The following CHRNA3 variants were observed in gnomAD, a reference collection of about 807,000 sequenced individuals.
The protein encoded by CHRNA3 is neuronal acetylcholine receptor subunit alpha-3.
Under a neutral mutation model 41.9 loss-of-function variants are expected in CHRNA3, and 34 were observed. The ratio of observed to expected loss-of-function variants is 0.81; its 90% CI spans 0.62 to 1.08. The LOEUF is 1.08. Ranked by LOEUF, CHRNA3 falls within the 50% of genes least tolerant of loss-of-function variation. CHRNA3 has a pLI of 0.00. For synonymous variants in CHRNA3, 281 were observed against 265.2 expected, an observed-to-expected ratio of 1.06 and a Z score of -0.58; for missense variants, 542 against 638.3, an observed-to-expected ratio of 0.85 and a Z score of 1.63.
rs765428894 is a variant in CHRNA3, at chr15:78,618,847, G to A, written c.151C>T (p.Arg51Trp). 2.6e-5 allele frequency: 42 copies of A among 1,614,008 alleles called. No homozygotes were observed. Among genetic ancestry groups the A allele is most frequent in the Admixed American group, 8.3e-5 (5 of 60,010 alleles). The stretch of plus-strand genomic sequence containing the variant: ...GGGTCAGACACGTTGGCTACAGGCC[G>A]GATGATCTCATTGTAATCTTCAAAC... ...RLFEDYNEII[R>W]PVANVSDPVI... The change falls in exon 2 of 6, where the codon CGG becomes TGG. Residue 51 changes from arginine to tryptophan, a missense_variant. Transcript: ENST00000326828.
chr15:78,595,429 T>C lies in CHRNA3; in HGVS notation c.*1175A>G. ...TAAGTTTCAGAAGTGTAGTACATGATACTCTTAACAATTTGTCTAAAGCAA... is the reference window on the plus strand; with the variant it reads ...TAAGTTTCAGAAGTGTAGTACATGACACTCTTAACAATTTGTCTAAAGCAA... On this transcript the variant is annotated 3_prime_UTR_variant, in exon 6 of 6. Transcript: ENST00000326828. 5 of 985,080 alleles carry C rather than the reference T, an allele frequency of 5.1e-6. No homozygotes were observed. Among genetic ancestry groups the C allele is most frequent in the Non-Finnish European group, 6.0e-6 (5 of 829,616 alleles). The allele number at this position is 985,080 out of a possible 1,614,324, so 61.0% of individuals were successfully genotyped here. A position where few individuals can be genotyped will look rare whatever the true frequency, so the allele number is the denominator to read the frequency against.
chr15:78,620,383 G>GACGGGCAGCGCGGGGCAGGGCT, intron 1 of CHRNA3: 3 of 347,716 alleles, frequency 8.6e-6, no homozygotes, highest in Non-Finnish European at 1.5e-5. Context: ...GGGGCAGGGC[G>GACGGGCAGCGCGGGGCAGGGCT]ACGGGCAGCG....
intron 4 of CHRNA3, among the ~76,000 whole-genome samples, chr15:78,610,332 A>T (rs1313192147): frequency 1.3e-5 from 2 of 152,092 alleles, no homozygotes; most frequent in Admixed American, 6.6e-5. Context: ...GAAGTAAAGC[A>T]CTCCTCAGCA....
chr15:78,620,746 G>A lies in CHRNA3; in HGVS notation c.49C>T (p.Leu17=). The change falls in exon 1 of 6, where the codon CTG becomes TTG. Residue 17 remains leucine (L), a synonymous_variant. Transcript: ENST00000326828. ...SLPLALSPPR[L]LLLLLLSLLP... is the part of the protein sequence containing the mutation. ...AGAGACAGCAGCAGCAGCAGCAGCAGCCGCGGCGGCGACAGCGCCAGGGGC... is the reference window on the plus strand; with the variant it reads ...AGAGACAGCAGCAGCAGCAGCAGCAACCGCGGCGGCGACAGCGCCAGGGGC... The A allele has an allele frequency of 6.7e-7, 1 of 1,499,074 alleles. No homozygotes were observed. 92.9% of individuals were successfully genotyped at this position (1,499,074 alleles called of 1,614,324 possible). A position where few individuals can be genotyped will look rare whatever the true frequency, so the allele number is the denominator to read the frequency against.
Position 78,620,990 on chromosome 15 carries a change from C to G in CHRNA3, c.-196G>C, listed in dbSNP as rs895480255. The G allele has an allele frequency of 1.6e-6, 1 of 627,160 alleles. No individual in the cohort carries two copies. The highest frequency in any genetic ancestry group is 2.2e-6 in the Non-Finnish European group (1 of 452,396). The allele number at this position is 627,160 out of a possible 1,614,324, so 38.8% of individuals were successfully genotyped here. On this transcript the variant is annotated 5_prime_UTR_variant, in exon 1 of 6. Coordinates refer to ENST00000326828, the MANE Select transcript of CHRNA3 (RefSeq NM_000743.5). ...GGACCCGCGGGAGGACAGGAACCAT[C>G]CGGAGTGAAGCTGCGCCAGGCGCGG...
intron 5 of CHRNA3, among the ~76,000 whole-genome samples, chr15:78,598,675 G>A (rs936002149): frequency 2.0e-5 from 3 of 152,028 alleles, no homozygotes; most frequent in African/African-American, 7.2e-5. Context: ...TGAGTAGCTG[G>A]GATTACAGGT....
At chr15:78,598,870 G>T (rs9806519) in intron 5 of CHRNA3, among the ~76,000 whole-genome samples, 1,664 of 131,014 alleles carry the variant, frequency 0.013, 30 homozygotes, top group African/African-American at 0.044. Flanking sequence ...GTCTCACTCT[G>T]TCACCTAGGC....
chr15:78,596,788 A>G, intron 5 of CHRNA3, 56 bp from the exon 6 acceptor site: 1 of 1,561,018 alleles, frequency 6.4e-7, no homozygotes, highest in Non-Finnish European at 8.6e-7. Context: ...AAATGAATAC[A>G]TTTTCAATAC....
At chr15:78,616,627 A>G (rs927636158) in intron 4 of CHRNA3, among the ~76,000 whole-genome samples, 3 of 151,840 alleles carry the variant, frequency 2.0e-5, no homozygotes, top group Non-Finnish European at 2.9e-5. Context: ...TTCCAGCCTT[A>G]TGTCCCACAG....
At position 78,616,987 on chromosome 15, in the gene CHRNA3, A is replaced by T. The variant is rs2053471812; in HGVS notation, c.377+37T>A. ...GGCCAAAAACCCAGAGCCCAGGCTG[A>T]CAGCCCTGAGAGGGCGTGGGCCCCC... On this transcript the variant is annotated intron_variant, in intron 4 of 5. Coordinates refer to ENST00000326828, the MANE Select transcript of CHRNA3 (RefSeq NM_000743.5). 2.0e-6 allele frequency: 3 copies of T among 1,476,900 alleles called. No individual in the cohort carries two copies. In the South Asian group the frequency reaches 3.5e-5, roughly 17 times the overall value. The allele number at this position is 1,476,900 out of a possible 1,614,324, so 91.5% of individuals were successfully genotyped here.
chr15:78,610,513 T>C (rs2053365302), intron 4 of CHRNA3, among the ~76,000 whole-genome samples: 2 of 152,126 alleles, frequency 1.3e-5, no homozygotes, highest in South Asian at 4.1e-4. Context: ...AATAAAGATG[T>C]TCTTTGAAAC....
intron 4 of CHRNA3, among the ~76,000 whole-genome samples, chr15:78,616,801 A>T (rs1469802136): frequency 2.6e-5 from 4 of 151,974 alleles, no homozygotes; most frequent in Admixed American, 6.6e-5. Context: ...CCACCCACCC[A>T]TGCCTGCTTT....
intron 4 of CHRNA3, among the ~76,000 whole-genome samples, chr15:78,611,611 A>G (rs959254591): frequency 4.6e-5 from 7 of 152,180 alleles, no homozygotes; most frequent in Non-Finnish European, 8.8e-5. Flanking sequence ...CACAGCCAAT[A>G]TCATACTGAA....
At chr15:78,615,739 ATT>A (rs532401932) in intron 4 of CHRNA3, among the ~76,000 whole-genome samples, 2,062 of 101,828 alleles carry the variant, frequency 0.02, 15 homozygotes, top group Middle Eastern at 0.056. Context: ...AGGCACCTGT[ATT>A]TTTTTTTTTT....
chr15:78,603,720 A>C (rs1278009816), intron 4 of CHRNA3, among the ~76,000 whole-genome samples: 1 of 152,018 alleles, frequency 6.6e-6, no homozygotes, highest in East Asian at 1.9e-4. Context: ...GAGCAGGATC[A>C]TTACCCATGA....
chr15:78,620,356 T>G, intron 1 of CHRNA3: 2 of 173,574 alleles, frequency 1.2e-5, no homozygotes, highest in Non-Finnish European at 2.5e-5. Context: ...GGCGCGCCAG[T>G]TTGGGAGCCA....
chr15:78,602,888 T>TA, intron 4 of CHRNA3, among the ~76,000 whole-genome samples: 1 of 152,312 alleles, frequency 6.6e-6, no homozygotes, highest in East Asian at 1.9e-4. Flanking sequence ...AATAATCATG[T>TA]TTTGCTTCCT....
intron 1 of CHRNA3, chr15:78,619,716 C>A (rs2053520167): frequency 6.6e-6 from 1 of 152,518 alleles, no homozygotes; most frequent in South Asian, 2.1e-4. Context: ...TAAGCCACAC[C>A]CCAGCACAAG....
At chr15:78,619,121 G>T in intron 1 of CHRNA3, 1 of 606,778 alleles carries the variant, frequency 1.6e-6, no homozygotes, top group Non-Finnish European at 2.9e-6. Context: ...CTGGCCACAC[G>T]CATTCAGTGA....
Sources: gnomAD v4.1 joint callset for allele counts (sites outside exome capture counted in the v4.1 genomes callset) on GRCh38, gnomAD v4.1.1 for gene constraint, MANE v1.5 for transcripts, NCBI Gene and HGNC (gene_info 2026-07-23, HGNC 2026-07-21) for gene names.